The following CTNNBL1 variants were observed in gnomAD, a reference collection of about 807,000 sequenced individuals.
The protein encoded by CTNNBL1 is beta-catenin-like protein 1.
Under a neutral mutation model 72.7 loss-of-function variants are expected in CTNNBL1, and 31 were observed. The observed-to-expected ratio is 0.43, with a 90% CI of 0.32 to 0.58. CTNNBL1 has a LOEUF of 0.58. Among genes scored for constraint, CTNNBL1 ranks in the 20% least tolerant of loss-of-function variants. The pLI is 0.08. For synonymous variants in CTNNBL1, 240 were observed against 267.3 expected (o/e 0.90, Z 1.00); for missense variants, 534 against 725.1 (o/e 0.74, Z 3.03).
intron 3 of CTNNBL1, among the ~76,000 whole-genome samples, chr20:37,739,078 CTGTGTGTGTGTG>C (rs34184566): frequency 0.013 from 1,879 of 147,284 alleles, 17 homozygotes; most frequent in Non-Finnish European, 0.017. Context: ...TACAGGAGCA[CTGTGTGTGTGTG>C]TGTGTGTGTG....
At chr20:37,731,587 C>G (rs2073129143) in intron 1 of CTNNBL1, among the ~76,000 whole-genome samples, 1 of 152,184 alleles carries the variant, frequency 6.6e-6, no homozygotes, top group South Asian at 2.1e-4. Flanking sequence ...CCCTTCCTCC[C>G]CAGCCTCTGG....
chr20:37,725,300 AT>A lies in CTNNBL1; in HGVS notation c.31-7567del, dbSNP rs879340102. ...TTCTTTCCAACCTTGAGCCTCTTTGATTTTTTTTTTTTGAGGCGGAGTTTCA... is the reference window on the plus strand; with the variant it reads ...TTCTTTCCAACCTTGAGCCTCTTTGATTTTTTTTTTTGAGGCGGAGTTTCA... On this transcript the variant is annotated intron_variant, in intron 1 of 15. Coordinates refer to ENST00000361383, the MANE Select transcript of CTNNBL1 (RefSeq NM_030877.5). Among the ~76,000 whole-genome samples, 677 of 145,626 alleles carry A rather than the reference AT, an allele frequency of 4.6e-3. 6 individuals carry two copies. The highest frequency in any genetic ancestry group is 0.017 in the East Asian group (86 of 4,994).
At chr20:37,719,880 G>C (rs1205747272) in intron 1 of CTNNBL1, among the ~76,000 whole-genome samples, 1 of 136,766 alleles carries the variant, frequency 7.3e-6, no homozygotes, top group Non-Finnish European at 1.6e-5. Context: ...TTGCTCTGTT[G>C]CCCAGGCTGG....
At chr20:37,813,517 T>A (rs568394375) in intron 11 of CTNNBL1, among the ~76,000 whole-genome samples, 1 of 152,316 alleles carries the variant, frequency 6.6e-6, no homozygotes, top group African/African-American at 2.4e-5. Flanking sequence ...TATTGAGGGC[T>A]TGGTTGGGGA....
chr20:37,740,242 A>C (rs2073204134), intron 3 of CTNNBL1, among the ~76,000 whole-genome samples: 1 of 152,116 alleles, frequency 6.6e-6, no homozygotes, highest in Non-Finnish European at 1.5e-5. Flanking sequence ...ATTGTGTTTT[A>C]ACCTTGAGTT....
intron 11 of CTNNBL1, among the ~76,000 whole-genome samples, chr20:37,825,347 C>T (rs1437617838): frequency 6.7e-6 from 1 of 148,372 alleles, no homozygotes; most frequent in Admixed American, 6.8e-5. Flanking sequence ...AATGAGACTC[C>T]GTCTCAAAAA....
chr20:37,844,640 A>G (rs536926435), intron 13 of CTNNBL1, among the ~76,000 whole-genome samples: 76 of 152,254 alleles, frequency 5.0e-4, no homozygotes, highest in African/African-American at 1.8e-3. Context: ...GCCAGACACA[A>G]TGGCTCACAC....
intron 1 of CTNNBL1, among the ~76,000 whole-genome samples, chr20:37,723,935 T>C (rs181196645): frequency 5.8e-4 from 88 of 152,316 alleles, no homozygotes; most frequent in African/African-American, 2.0e-3. Flanking sequence ...GAAGTCCTAG[T>C]TGTAAAATGT....
At chr20:37,834,042 G>T (rs947154493) in intron 11 of CTNNBL1, among the ~76,000 whole-genome samples, 2 of 152,184 alleles carry the variant, frequency 1.3e-5, no homozygotes, top group Non-Finnish European at 2.9e-5. Context: ...TCCCAAATAG[G>T]TAAATATCAT....
In CTNNBL1 at chr20:37,733,081, G is replaced by A. The variant is rs796405139; in HGVS notation, c.219+14G>A. 9 of 1,609,792 alleles carry A rather than the reference G, an allele frequency of 5.6e-6. No homozygotes were observed. The highest frequency in any genetic ancestry group is 4.5e-5 in the East Asian group (2 of 44,850). ...GAAGAGGAAGAGGTAACGTGGCAGCGCTGGGTGGGAGCTGAGATGGCTGGC... is the reference window on the plus strand; with the variant it reads ...GAAGAGGAAGAGGTAACGTGGCAGCACTGGGTGGGAGCTGAGATGGCTGGC... On this transcript the variant is annotated intron_variant, in intron 2 of 15. Coordinates refer to ENST00000361383, the MANE Select transcript of CTNNBL1 (RefSeq NM_030877.5).
chr20:37,826,065 A>G (rs991211695), intron 11 of CTNNBL1, among the ~76,000 whole-genome samples: 1 of 152,092 alleles, frequency 6.6e-6, no homozygotes, highest in African/African-American at 2.4e-5. Context: ...ATATACAAAC[A>G]CTTGACCTAG....
intron 13 of CTNNBL1, among the ~76,000 whole-genome samples, chr20:37,850,352 C>T (rs898228051): frequency 2.6e-5 from 4 of 152,168 alleles, no homozygotes; most frequent in Non-Finnish European, 5.9e-5. Flanking sequence ...CTCTGCCACA[C>T]GTGATCTTTG....
At chr20:37,727,520 T>C in intron 1 of CTNNBL1, 1 of 175,516 alleles carries the variant, frequency 5.7e-6, no homozygotes, top group Non-Finnish European at 1.1e-5. Context: ...TTGTAGAAGA[T>C]TGTAAAAACC....
At chr20:37,727,331 G>A (rs2073093492) in intron 1 of CTNNBL1, 2 of 984,970 alleles carry the variant, frequency 2.0e-6, no homozygotes, top group Non-Finnish European at 2.4e-6. Flanking sequence ...CACACACACA[G>A]GCAATAGGCC....
intron 1 of CTNNBL1, among the ~76,000 whole-genome samples, chr20:37,728,780 G>C (rs1374366107): frequency 6.6e-6 from 1 of 152,218 alleles, no homozygotes; most frequent in African/African-American, 2.4e-5. Flanking sequence ...GCAGAGCATT[G>C]TAATGGGTTC....
rs1458251903 is a variant in CTNNBL1 at position 37,718,257 on chromosome 20, C to A, written c.31-14622C>A. ...GGGGGCTGACCCCCCCACCTCCCTCCCGGACGGGGTGGCTGGCCGGGCGGG... is the reference window on the plus strand; with the variant it reads ...GGGGGCTGACCCCCCCACCTCCCTCACGGACGGGGTGGCTGGCCGGGCGGG... On this transcript the variant is annotated intron_variant, in intron 1 of 15. Transcript: ENST00000361383. 9.0e-5 allele frequency among the ~76,000 whole-genome samples: 13 copies of A among 144,478 alleles called. No homozygotes were observed. In the East Asian group the frequency reaches 1.3e-3, roughly 14 times the overall value. The allele number at this position is 144,478 out of a possible 152,430, so 94.8% of individuals were successfully genotyped here. A position where few individuals can be genotyped will look rare whatever the true frequency, so the allele number is the denominator to read the frequency against.
intron 11 of CTNNBL1, among the ~76,000 whole-genome samples, chr20:37,806,276 C>T (rs1048166808): frequency 2.6e-5 from 4 of 152,184 alleles, no homozygotes; most frequent in African/African-American, 7.2e-5. Flanking sequence ...GCCTGGGAAT[C>T]AGCTCGCCAG....
In CTNNBL1 at chr20:37,732,875, T is replaced by A; in HGVS notation, c.31-4T>A. The stretch of plus-strand genomic sequence containing the variant: ...TCTAAAATCTTATGTTTCTTTTCTC[T>A]CAGCCCAATAGGGGCACAAAACGTC... On this transcript the variant is annotated splice_region_variant and splice_polypyrimidine_tract_variant and intron_variant, in intron 1 of 15. Coordinates refer to ENST00000361383, the MANE Select transcript of CTNNBL1 (RefSeq NM_030877.5). The A allele has an allele frequency of 6.2e-7, 1 of 1,612,008 alleles. No homozygotes were observed. The highest frequency in any genetic ancestry group is 1.1e-5 in the South Asian group (1 of 90,948).
chr20:37,734,335 C>T (rs1190232944), intron 2 of CTNNBL1, among the ~76,000 whole-genome samples: 2 of 152,174 alleles, frequency 1.3e-5, no homozygotes, highest in African/African-American at 4.8e-5. Flanking sequence ...TTTTAATTTC[C>T]TCTCTGAGGG....
Sources: gnomAD v4.1 joint callset for allele counts (sites outside exome capture counted in the v4.1 genomes callset) on GRCh38, gnomAD v4.1.1 for gene constraint, MANE v1.5 for transcripts, NCBI Gene and HGNC (gene_info 2026-07-23, HGNC 2026-07-21) for gene names.